GATAD2B: variants seen among roughly 807,000 people sequenced by gnomAD.
GATAD2B encodes the protein transcriptional repressor p66-beta.
In GATAD2B, 8 loss-of-function variants were observed where a neutral mutation model predicts 64.3. The observed-to-expected ratio is 0.12, with a 90% CI of 0.07 to 0.22. The LOEUF is 0.22. Among genes scored for constraint, GATAD2B ranks in the 10% least tolerant of loss-of-function variants. The pLI is 1.00. For missense variants in GATAD2B, 453 were observed against 752.0 expected, an observed-to-expected ratio of 0.60 and a Z score of 4.65; for synonymous variants, 281 against 271.3, an observed-to-expected ratio of 1.04 and a Z score of -0.35.
chr1:153,833,910 G>A (rs1675170025), intron 1 of GATAD2B, among the ~76,000 whole-genome samples: 1 of 151,962 alleles, frequency 6.6e-6, no homozygotes, highest in African/African-American at 2.4e-5. Flanking sequence ...AGGCCAACGT[G>A]GGAGGATCAC....
chr1:153,817,645 G>T, intron 5 of GATAD2B, 103 bp from the exon 6 acceptor site: 1 of 722,040 alleles, frequency 1.4e-6, no homozygotes, highest in Non-Finnish European at 2.1e-6. Flanking sequence ...ACATAGCTAA[G>T]TAGAAACACA....
At position 153,815,702 on chromosome 1, in the gene GATAD2B, T is replaced by C. The variant is rs942661232; in HGVS notation, c.1216+571A>G. Among the ~76,000 whole-genome samples the C allele has an allele frequency of 2.7e-5, 4 of 150,860 alleles. No individual in the cohort carries two copies. The East Asian group carries it at 7.7e-4, about 29-fold the overall frequency. On this transcript the variant is annotated intron_variant, in intron 7 of 10. Transcript: ENST00000368655. The stretch of plus-strand genomic sequence containing the variant: ...AGATGATAGATTAGATAGAATAGAA[T>C]AGATAGATTAGATAGATGATAGATT...
At chr1:153,845,806 G>A (rs1360883485) in intron 1 of GATAD2B, among the ~76,000 whole-genome samples, 1 of 152,002 alleles carries the variant, frequency 6.6e-6, no homozygotes, top group Non-Finnish European at 1.5e-5. Flanking sequence ...ATGGTGGCAT[G>A]CGTCCACAGT....
At chr1:153,907,668 T>G (rs2101965717) in intron 1 of GATAD2B, among the ~76,000 whole-genome samples, 1 of 150,928 alleles carries the variant, frequency 6.6e-6, no homozygotes, top group African/African-American at 2.4e-5. Context: ...AGATGGAGTC[T>G]CGCTCTGTCA....
chr1:153,921,075 T>A (rs1052578990), intron 1 of GATAD2B, among the ~76,000 whole-genome samples: 2 of 152,118 alleles, frequency 1.3e-5, no homozygotes, highest in Admixed American at 1.3e-4. Flanking sequence ...AACTAAGTAC[T>A]GACAGAAATA....
At chr1:153,899,266 A>C (rs1315323625) in intron 1 of GATAD2B, among the ~76,000 whole-genome samples, 1 of 152,098 alleles carries the variant, frequency 6.6e-6, no homozygotes, top group East Asian at 1.9e-4. Flanking sequence ...TCTTAAAATA[A>C]AAATTTTAAA....
intron 7 of GATAD2B, among the ~76,000 whole-genome samples, chr1:153,815,279 AC>A (rs1674428582): frequency 2.9e-5 from 4 of 138,202 alleles, no homozygotes; most frequent in Non-Finnish European, 4.8e-5. Flanking sequence ...TCTCAAAAAA[AC>A]AAAAAAAAAA....
intron 1 of GATAD2B, among the ~76,000 whole-genome samples, chr1:153,836,569 A>AAAAAAATCAGCC (rs146947256): frequency 1.4e-5 from 2 of 147,074 alleles, no homozygotes; most frequent in Non-Finnish European, 3.0e-5. Flanking sequence ...TTAAAAAAAA[A>AAAAAAATCAGCC]AGGCATGGTG....
chr1:153,810,154 G>A lies in GATAD2B; in HGVS notation c.*23C>T. Reference sequence around the variant, plus strand: ...GAAAGGGATAAAGGATTCAAGGATGGGGCAGTACAAGTGGAACAGGCGTTA... The same window carrying A: ...GAAAGGGATAAAGGATTCAAGGATGAGGCAGTACAAGTGGAACAGGCGTTA... On this transcript the variant is annotated 3_prime_UTR_variant, in exon 11 of 11. Transcript: ENST00000368655. 1.3e-6 allele frequency: 2 copies of A among 1,599,570 alleles called. No homozygotes were observed. Among genetic ancestry groups the A allele is most frequent in the Non-Finnish European group, 1.7e-6 (2 of 1,172,154 alleles).
intron 2 of GATAD2B, among the ~76,000 whole-genome samples, chr1:153,825,614 C>T (rs990063651): frequency 4.6e-5 from 7 of 152,060 alleles, no homozygotes; most frequent in African/African-American, 1.7e-4. Context: ...TTAGTAGAGA[C>T]AAGGTTTCAC....
At chr1:153,810,999 A>C (rs1674274648) in intron 10 of GATAD2B, among the ~76,000 whole-genome samples, 1 of 152,118 alleles carries the variant, frequency 6.6e-6, no homozygotes, top group Non-Finnish European at 1.5e-5. Context: ...TCCTGACCTC[A>C]GGTAATCCAC....
At chr1:153,841,121 T>A in intron 1 of GATAD2B, among the ~76,000 whole-genome samples, 1 of 109,612 alleles carries the variant, frequency 9.1e-6, no homozygotes. Context: ...GAAGACTCCG[T>A]CTCAAAAAAA....
intron 1 of GATAD2B, among the ~76,000 whole-genome samples, chr1:153,917,117 G>T (rs931502949): frequency 1.5e-5 from 2 of 136,452 alleles, no homozygotes; most frequent in Non-Finnish European, 3.1e-5. Context: ...ATTTTTTTTT[G>T]AAACTGAGTC....
Position 153,813,428 on chromosome 1 carries a change from CGCAGAA to C in GATAD2B, c.1235_1240del (p.Leu412_Leu413del). On this transcript the variant is annotated inframe_deletion, in exon 8 of 11. Transcript: ENST00000368655. Reference sequence around the variant, plus strand: ...CTGGGCACATACAAAGGGTTCAACCCGCAGAAGTGAGGCACAGCTTTTGCCTAGATA... The same window carrying C: ...CTGGGCACATACAAAGGGTTCAACCCGTGAGGCACAGCTTTTGCCTAGATA... 6.2e-7 allele frequency: 1 copy of C among 1,613,982 alleles called. No individual in the cohort carries two copies. The highest frequency in any genetic ancestry group is 8.5e-7 in the Non-Finnish European group (1 of 1,179,904).
intron 1 of GATAD2B, among the ~76,000 whole-genome samples, chr1:153,899,574 GA>G (rs79231501): frequency 0.028 from 3,207 of 113,050 alleles, 105 homozygotes; most frequent in African/African-American, 0.092. Context: ...ATCTTAAAAA[GA>G]AAAAAAAAAA....
chr1:153,819,250 T>C (rs1220931068), intron 3 of GATAD2B, among the ~76,000 whole-genome samples: 1 of 152,236 alleles, frequency 6.6e-6, no homozygotes, highest in East Asian at 1.9e-4. Context: ...CCTCTAGATA[T>C]ACATAAAAAC....
chr1:153,853,572 A>C (rs1390795033), intron 1 of GATAD2B, among the ~76,000 whole-genome samples: 5 of 152,136 alleles, frequency 3.3e-5, no homozygotes, highest in Admixed American at 3.3e-4. Flanking sequence ...CATTTTGTAG[A>C]TTGCCTTTCC....
intron 1 of GATAD2B, among the ~76,000 whole-genome samples, chr1:153,836,735 A>C (rs190621725): frequency 2.0e-5 from 3 of 152,294 alleles, no homozygotes; most frequent in Admixed American, 2.0e-4. Flanking sequence ...ACAGTATTCT[A>C]AGTTTTGAGA....
chr1:153,829,479 TA>T (rs1298663034), intron 1 of GATAD2B, among the ~76,000 whole-genome samples: 2 of 152,332 alleles, frequency 1.3e-5, no homozygotes, highest in African/African-American at 4.8e-5. Context: ...GGCTCACACC[TA>T]TAATCCCAGC....
Sources: allele counts gnomAD v4.1 joint callset (sites outside exome capture counted in the v4.1 genomes callset), GRCh38; gene constraint gnomAD v4.1.1; transcripts MANE v1.5; gene names NCBI Gene and HGNC (gene_info 2026-07-23, HGNC 2026-07-21).